The following SDR9C7 variants were observed in gnomAD, a reference collection of about 807,000 sequenced individuals.
SDR9C7 encodes short chain dehydrogenase/reductase family 9C member 7.
In SDR9C7, 11 loss-of-function variants were observed where a neutral mutation model predicts 23.6. The observed-to-expected ratio is 0.47, with a 90% CI of 0.29 to 0.77. SDR9C7 has a LOEUF of 0.77. Among genes scored for constraint, SDR9C7 ranks in the 30% least tolerant of loss-of-function variants. The probability of loss-of-function intolerance (pLI) is 0.09; values close to 1 mark genes in which losing one functional copy is unlikely to be tolerated. For synonymous variants in SDR9C7, 167 were observed against 157.3 expected (o/e 1.06, Z -0.46); for missense variants, 387 against 407.1 (o/e 0.95, Z 0.42).
In SDR9C7 at chr12:56,923,875, G is replaced by A. The variant is rs140941687; in HGVS notation, c.900C>T (p.Phe300=). Residue 300 remains phenylalanine (F), a synonymous_variant, in exon 4 of 4, where the codon TTC becomes TTT. Coordinates refer to ENST00000293502, the MANE Select transcript of SDR9C7 (RefSeq NM_148897.3). ...GCCTTGGAAGGTACCGGCTTAGGATGAAATCTGTCACAGGGGTGGGCAACT... is the reference window on the plus strand; with the variant it reads ...GCCTTGGAAGGTACCGGCTTAGGATAAAATCTGTCACAGGGGTGGGCAACT... The part of the protein sequence containing the change: ...LAKLPTPVTD[F]ILSRYLPRPA... 319 of 1,613,836 alleles carry A rather than the reference G, an allele frequency of 2.0e-4. No homozygotes were observed. The highest frequency in any genetic ancestry group is 2.5e-4 in the Non-Finnish European group (295 of 1,179,912).
chr12:56,933,502 G>A (rs1955779794), intron 1 of SDR9C7, among the ~76,000 whole-genome samples: 3 of 152,154 alleles, frequency 2.0e-5, no homozygotes, highest in Admixed American at 2.0e-4. Flanking sequence ...GGGACTACAG[G>A]CACGTGCCAC....
In SDR9C7 at chr12:56,929,412, G is replaced by T. The variant is rs147081896; in HGVS notation, c.702C>A (p.Tyr234Ter). 1.2e-6 allele frequency: 2 copies of T among 1,610,736 alleles called. No homozygotes were observed. The highest frequency in any genetic ancestry group is 2.7e-5 in the African/African-American group (2 of 74,810). ...TACAGATGCGGAAATAATCCTCTCCGTAGCTGTCCCGGGTCTCCTGAGGCA... is the reference window on the plus strand; with the variant it reads ...TACAGATGCGGAAATAATCCTCTCCTTAGCTGTCCCGGGTCTCCTGAGGCA... ...ERLPQETRDS[Y>*]GEDYFRIYTD... Residue 234 changes from tyrosine (Y) to a stop codon, truncating the protein, a stop_gained, in exon 3 of 4, where the codon TAC becomes TAA. Coordinates refer to ENST00000293502, the MANE Select transcript of SDR9C7 (RefSeq NM_148897.3). LOFTEE classifies it high-confidence loss of function.
intron 3 of SDR9C7, among the ~76,000 whole-genome samples, chr12:56,927,553 A>C (rs1338774813): frequency 6.6e-6 from 1 of 152,130 alleles, no homozygotes; most frequent in East Asian, 1.9e-4. Context: ...AGCCAATCAC[A>C]CCTTCACATT....
chr12:56,931,058 C>T lies in SDR9C7; in HGVS notation c.302-574G>A, dbSNP rs113158496. On this transcript the variant is annotated intron_variant, in intron 1 of 3. Transcript: ENST00000293502. ...ACCAGCCTGAGCAACAGAGTAAGAC[C>T]CCTGTCTCTACAAAAAAAGAAAAAA... Among the ~76,000 whole-genome samples, 31 of 151,794 alleles carry T rather than the reference C, an allele frequency of 2.0e-4. 1 individual carries two copies. Among genetic ancestry groups the T allele is most frequent in the African/African-American group, 7.0e-4 (29 of 41,324 alleles).
chr12:56,931,823 G>C (rs549134921), intron 1 of SDR9C7, among the ~76,000 whole-genome samples: 2 of 152,168 alleles, frequency 1.3e-5, no homozygotes, highest in East Asian at 3.9e-4. Flanking sequence ...GCAGCCCCAA[G>C]ATACTCTGCA....
chr12:56,924,951 A>T (rs1357946845), intron 3 of SDR9C7, among the ~76,000 whole-genome samples: 1 of 152,150 alleles, frequency 6.6e-6, no homozygotes, highest in East Asian at 1.9e-4. Context: ...AATAACAAAG[A>T]TGATTAACAG....
intron 3 of SDR9C7, among the ~76,000 whole-genome samples, chr12:56,926,999 G>A (rs575387668): frequency 1.3e-5 from 2 of 152,162 alleles, no homozygotes; most frequent in Non-Finnish European, 2.9e-5. Context: ...TAGTTTCCTG[G>A]AGAGTGTCTC....
At chr12:56,930,831 A>G (rs1170077967) in intron 1 of SDR9C7, among the ~76,000 whole-genome samples, 1 of 152,180 alleles carries the variant, frequency 6.6e-6, no homozygotes, top group Non-Finnish European at 1.5e-5. Context: ...CTCCCTCTCT[A>G]TTCACTTAAG....
chr12:56,930,258 CTTGG>C lies in SDR9C7; in HGVS notation c.524_527del (p.Ser175CysfsTer11). On this transcript the variant is annotated frameshift_variant, in exon 2 of 4. Coordinates refer to ENST00000293502, the MANE Select transcript of SDR9C7 (RefSeq NM_148897.3). LOFTEE classifies it high-confidence loss of function. Reference sequence around the variant, plus strand: ...TGTCAGAGAAGGCCTCAACGCCAAACTTGGAGACGCAGTAGCCACCACCAATGAC... The same window carrying C: ...TGTCAGAGAAGGCCTCAACGCCAAACAGACGCAGTAGCCACCACCAATGAC... 1 of 1,614,118 alleles carries C rather than the reference CTTGG, an allele frequency of 6.2e-7. No homozygotes were observed. The highest frequency in any genetic ancestry group is 8.5e-7 in the Non-Finnish European group (1 of 1,180,032).
intron 1 of SDR9C7, among the ~76,000 whole-genome samples, chr12:56,933,709 C>T (rs117353154): frequency 1.3e-5 from 2 of 152,280 alleles, no homozygotes; most frequent in Admixed American, 6.5e-5. Flanking sequence ...CTTCCCCCCT[C>T]GCTTCCTATT....
chr12:56,929,698 A>G, intron 2 of SDR9C7, 145 bp from the exon 3 acceptor site: 1 of 987,124 alleles, frequency 1.0e-6, no homozygotes, highest in Non-Finnish European at 1.5e-6. Context: ...TGTGCAAATA[A>G]GCCCTTCCTT....
At chr12:56,929,733 G>A (rs1389977980) in intron 2 of SDR9C7, among the ~76,000 whole-genome samples, 180 bp from the exon 3 acceptor site, 2 of 152,186 alleles carry the variant, frequency 1.3e-5, no homozygotes, top group South Asian at 2.1e-4. Flanking sequence ...TTCCAAAACT[G>A]GCCCAACAGT....
intron 3 of SDR9C7, among the ~76,000 whole-genome samples, chr12:56,925,754 G>A (rs959774402): frequency 1.1e-4 from 16 of 152,224 alleles, no homozygotes; most frequent in Non-Finnish European, 1.9e-4. Context: ...GCAGGGCTGA[G>A]GGTCGAAGGA....
At chr12:56,933,267 C>T (rs1955778448) in intron 1 of SDR9C7, among the ~76,000 whole-genome samples, 1 of 152,224 alleles carries the variant, frequency 6.6e-6, no homozygotes, top group Admixed American at 6.5e-5. Context: ...CATTCCCCCT[C>T]CCCCATCCTG....
At chr12:56,927,353 C>T (rs1421283716) in intron 3 of SDR9C7, among the ~76,000 whole-genome samples, 1 of 152,202 alleles carries the variant, frequency 6.6e-6, no homozygotes, top group Admixed American at 6.5e-5. Context: ...TTCACCCCAG[C>T]CTCCAAGCAG....
intron 3 of SDR9C7, among the ~76,000 whole-genome samples, chr12:56,929,028 G>C (rs1340773273): frequency 1.3e-5 from 2 of 152,156 alleles, no homozygotes; most frequent in Non-Finnish European, 2.9e-5. Flanking sequence ...TAGGTCCAAA[G>C]TCTCCTAGCT....
chr12:56,933,923 G>A (rs1656360636), intron 1 of SDR9C7, 38 bp downstream of exon 1: 2 of 1,572,296 alleles, frequency 1.3e-6, no homozygotes, highest in Admixed American at 1.7e-5. Context: ...GAGGAAGAAG[G>A]AGAAACCAAG....
Position 56,934,155 on chromosome 12 carries a change from C to G in SDR9C7, c.107G>C (p.Gly36Ala). Residue 36 changes from glycine to alanine, a missense_variant, in exon 1 of 4, where the codon GGC (glycine) becomes GCC (alanine). Gly to Ala is a moderately conservative substitution (Grantham distance 60). Coordinates refer to ENST00000293502, the MANE Select transcript of SDR9C7 (RefSeq NM_148897.3). Reference sequence around the variant, plus strand: ...CTGTTTGGCCAGCAGGTTCCCGAAGCCAGAGTCACAGCCTGTGATGAAGAC... The same window carrying G: ...CTGTTTGGCCAGCAGGTTCCCGAAGGCAGAGTCACAGCCTGTGATGAAGAC... ...KYVFITGCDS[G>A]FGNLLAKQLV... The G allele has an allele frequency of 6.2e-7, 1 of 1,614,212 alleles. No individual in the cohort carries two copies. Among genetic ancestry groups the G allele is most frequent in the Non-Finnish European group, 8.5e-7 (1 of 1,180,038 alleles).
At chr12:56,926,830 C>G (rs1445987509) in intron 3 of SDR9C7, among the ~76,000 whole-genome samples, 1 of 152,198 alleles carries the variant, frequency 6.6e-6, no homozygotes, top group Non-Finnish European at 1.5e-5. Context: ...TTGGTGTACT[C>G]CTATTCATCC....
Sources: allele counts gnomAD v4.1 joint callset (sites outside exome capture counted in the v4.1 genomes callset), GRCh38; gene constraint gnomAD v4.1.1; transcripts MANE v1.5; gene names NCBI Gene and HGNC (gene_info 2026-07-23, HGNC 2026-07-21).